PXDNL: variants seen among roughly 807,000 people sequenced by gnomAD.
PXDNL encodes peroxidasin like.
A neutral mutation model predicts 150.8 loss-of-function variants in PXDNL; 145 were observed. The observed-to-expected ratio is 0.96, with a 90% CI of 0.84 to 1.10. The LOEUF is 1.10. PXDNL is among the 50% of genes least tolerant of loss of function. The pLI, the probability that PXDNL is intolerant of heterozygous loss-of-function variation, is 0.00. For missense variants in PXDNL, 2,087 were observed against 1,873.9 expected (o/e 1.11, Z -2.10); for synonymous variants, 757 against 725.7 (o/e 1.04, Z -0.69).
At chr8:51,715,028 A>G (rs997291642) in intron 1 of PXDNL, among the ~76,000 whole-genome samples, 1 of 151,620 alleles carries the variant, frequency 6.6e-6, no homozygotes, top group African/African-American at 2.4e-5. Flanking sequence ...AGTTGCCAAT[A>G]TTTTTTGCCA....
intron 1 of PXDNL, among the ~76,000 whole-genome samples, chr8:51,796,450 G>C (rs1373992751): frequency 6.6e-6 from 1 of 150,676 alleles, no homozygotes; most frequent in Non-Finnish European, 1.5e-5. Flanking sequence ...GAAGAAAAGA[G>C]AGAAAAATCA....
intron 1 of PXDNL, among the ~76,000 whole-genome samples, chr8:51,696,829 A>AAGTC (rs1160842521): frequency 3.8e-3 from 1 of 262 alleles, no homozygotes. Flanking sequence ...ACACACACAC[A>AAGTC]CACACACACA....
chr8:51,428,183 C>T (rs1300571732), intron 12 of PXDNL, among the ~76,000 whole-genome samples: 1 of 151,928 alleles, frequency 6.6e-6, no homozygotes, highest in Non-Finnish European at 1.5e-5. Flanking sequence ...TACTTATAAA[C>T]TAAAAACTAC....
At chr8:51,466,379 C>T (rs189903107) in intron 8 of PXDNL, among the ~76,000 whole-genome samples, 2 of 152,206 alleles carry the variant, frequency 1.3e-5, no homozygotes, top group Admixed American at 1.3e-4. Context: ...CTATATATCA[C>T]CATATACAAA....
chr8:51,371,681 G>A (rs1005575462), intron 19 of PXDNL, among the ~76,000 whole-genome samples, 192 bp downstream of exon 19: 7 of 152,206 alleles, frequency 4.6e-5, no homozygotes, highest in African/African-American at 9.6e-5. Context: ...GAATGGAAGA[G>A]GATGGGCAGG....
At chr8:51,584,434 T>G (rs1813278900) in intron 3 of PXDNL, among the ~76,000 whole-genome samples, 1 of 152,208 alleles carries the variant, frequency 6.6e-6, no homozygotes, top group Non-Finnish European at 1.5e-5. Context: ...TATTTTCATA[T>G]TTGTGTTCTT....
chr8:51,532,189 A>G (rs1183211046), intron 4 of PXDNL, among the ~76,000 whole-genome samples: 1 of 152,244 alleles, frequency 6.6e-6, no homozygotes, highest in East Asian at 1.9e-4. Context: ...AACAACTTTT[A>G]TACTTACCAC....
intron 2 of PXDNL, among the ~76,000 whole-genome samples, chr8:51,620,542 A>C (rs1295155906): frequency 6.6e-6 from 1 of 150,932 alleles, no homozygotes; most frequent in Admixed American, 6.6e-5. Context: ...CTTACAACTC[A>C]ATCACTTTTT....
intron 1 of PXDNL, among the ~76,000 whole-genome samples, chr8:51,804,366 C>T (rs949200512): frequency 4.6e-5 from 7 of 152,270 alleles, no homozygotes; most frequent in Non-Finnish European, 7.4e-5. Context: ...CTAGCTTGAC[C>T]TTTCCCTTTA....
chr8:51,689,852 A>G (rs1032379164), intron 1 of PXDNL, among the ~76,000 whole-genome samples: 5 of 152,206 alleles, frequency 3.3e-5, no homozygotes, highest in Non-Finnish European at 7.3e-5. Context: ...GCACAGATTT[A>G]GCTTTTAACA....
At position 51,453,720 on chromosome 8, in the gene PXDNL, C is replaced by G; in HGVS notation, c.1048G>C (p.Glu350Gln). ...TGTGGGTGGCCTGTGGCCATACATT[C>G]CAAAGTTGTGCTGGTGCCAATTAAA... The part of the protein sequence containing the change: ...EVLIGTSTTL[E>Q]CMATGHPHPL... The change falls in exon 10 of 23, where the codon GAA (glutamate) becomes CAA (glutamine). Residue 350 changes from glutamate (E) to glutamine (Q), a missense_variant. Physicochemically the swap from Glu to Gln is conservative, Grantham distance 29 (BLOSUM62 2). Transcript: ENST00000356297. 6.2e-7 allele frequency: 1 copy of G among 1,614,046 alleles called. No homozygotes were observed. Among genetic ancestry groups the G allele is most frequent in the Non-Finnish European group, 8.5e-7 (1 of 1,179,898 alleles).
chr8:51,380,067 AAAG>A (rs1490827484), intron 17 of PXDNL, among the ~76,000 whole-genome samples: 15 of 152,142 alleles, frequency 9.9e-5, no homozygotes, highest in South Asian at 8.3e-4. Flanking sequence ...CACATTGAAA[AAAG>A]AAGAAGTGTC....
chr8:51,432,472 G>C (rs1320535879), intron 12 of PXDNL, among the ~76,000 whole-genome samples: 1 of 152,168 alleles, frequency 6.6e-6, no homozygotes, highest in Non-Finnish European at 1.5e-5. Flanking sequence ...GAATTGCATT[G>C]ATCTATAAAT....
At chr8:51,606,540 CAG>C (rs1039717297) in intron 2 of PXDNL, among the ~76,000 whole-genome samples, 18 of 152,212 alleles carry the variant, frequency 1.2e-4, no homozygotes, top group African/African-American at 3.9e-4. Flanking sequence ...CTTTTAAAAG[CAG>C]AGTTTTAAAG....
Position 51,587,498 on chromosome 8 carries a change from T to C in PXDNL, c.308+5129A>G, listed in dbSNP as rs571450636. Among the ~76,000 whole-genome samples, 269 of 152,344 alleles carry C rather than the reference T, an allele frequency of 1.8e-3. 1 individual carries two copies. Among genetic ancestry groups the C allele is most frequent in the African/African-American group, 6.2e-3 (258 of 41,590 alleles). The stretch of plus-strand genomic sequence containing the variant: ...AACTCACTAGAATTTCAGATGAGTT[T>C]ACAAATGCTTGTGTCTTAGAGGAAA... On this transcript the variant is annotated intron_variant, in intron 3 of 22. Transcript: ENST00000356297.
chr8:51,334,700 T>C (rs993343034), intron 21 of PXDNL, among the ~76,000 whole-genome samples: 14 of 152,092 alleles, frequency 9.2e-5, no homozygotes, highest in Non-Finnish European at 1.6e-4. Flanking sequence ...CCTATACACA[T>C]ATAAAGTAGA....
chr8:51,650,955 A>G (rs1055601318), intron 2 of PXDNL, among the ~76,000 whole-genome samples: 2 of 152,202 alleles, frequency 1.3e-5, no homozygotes, highest in Admixed American at 1.3e-4. Flanking sequence ...AAAACTGTTT[A>G]TTTCCAAAGG....
chr8:51,448,246 G>C (rs903436720), intron 11 of PXDNL, among the ~76,000 whole-genome samples: 3 of 152,280 alleles, frequency 2.0e-5, no homozygotes, highest in Non-Finnish European at 4.4e-5. Context: ...TGGCGCCTTG[G>C]TGGGGCATAG....
chr8:51,405,626 G>A (rs1808415066), intron 17 of PXDNL, among the ~76,000 whole-genome samples: 1 of 152,194 alleles, frequency 6.6e-6, no homozygotes, highest in Non-Finnish European at 1.5e-5. Context: ...AGCAGCTCCT[G>A]AGAAATTGCA....
Sources: allele counts gnomAD v4.1 joint callset (sites outside exome capture counted in the v4.1 genomes callset), GRCh38; gene constraint gnomAD v4.1.1; transcripts MANE v1.5; gene names NCBI Gene and HGNC (gene_info 2026-07-23, HGNC 2026-07-21).